Variants in MROH7 observed in about 807,000 individuals in gnomAD.
The protein encoded by MROH7 is maestro heat like repeat family member 7.
In MROH7, 113 loss-of-function variants were observed where a neutral mutation model predicts 129.2. The observed-to-expected ratio is 0.87, with a 90% CI of 0.75 to 1.02. The LOEUF is 1.02. MROH7 is among the 50% of genes least tolerant of loss of function. The pLI, the probability that MROH7 is intolerant of heterozygous loss-of-function variation, is 0.00. For synonymous variants in MROH7, 655 were observed against 667.9 expected, an observed-to-expected ratio of 0.98 and a Z score of 0.30; for missense variants, 1,601 against 1,671.3, an observed-to-expected ratio of 0.96 and a Z score of 0.73.
chr1:54,671,802 G>A (rs1230982240), intron 7 of MROH7, among the ~76,000 whole-genome samples: 1 of 152,196 alleles, frequency 6.6e-6, no homozygotes, highest in African/African-American at 2.4e-5. Context: ...CCTTACAGGT[G>A]AGGTGAGTGT....
At position 54,702,686 on chromosome 1, in the gene MROH7, T is replaced by C. The variant is rs1394632276; in HGVS notation, c.3505T>C (p.Tyr1169His). Residue 1169 changes from tyrosine to histidine, a missense_variant, in exon 21 of 24, where the codon TAT becomes CAT. Coordinates refer to ENST00000421030, the MANE Select transcript of MROH7 (RefSeq NM_001039464.4). Reference protein sequence around the residue: ...FMAWELPKRAYSRKPWDNQQQ... With the variant: ...FMAWELPKRAHSRKPWDNQQQ... ...GGCTTGGGAGTTGCCAAAAAGAGCT[T>C]ATAGCCGGAAGCCCTGGGACAACCA... 1 of 1,613,896 alleles carries C rather than the reference T, an allele frequency of 6.2e-7. No individual in the cohort carries two copies. Among genetic ancestry groups the C allele is most frequent in the Non-Finnish European group, 8.5e-7 (1 of 1,179,864 alleles).
rs1277479765 is a variant in MROH7, at chr1:54,701,128, G to T, written c.3106-15G>T. The T allele has an allele frequency of 2.0e-5, 33 of 1,612,576 alleles. No homozygotes were observed. The highest frequency in any genetic ancestry group is 2.5e-5 in the Non-Finnish European group (30 of 1,179,908). On this transcript the variant is annotated splice_polypyrimidine_tract_variant and intron_variant, in intron 18 of 23. Transcript: ENST00000421030. Reference sequence around the variant, plus strand: ...TCAGATAGGAGCCCTCATCCCAAATGCTCCTGCCCCACAGACCGCCAAGGT... The same window carrying T: ...TCAGATAGGAGCCCTCATCCCAAATTCTCCTGCCCCACAGACCGCCAAGGT...
intron 3 of MROH7, among the ~76,000 whole-genome samples, chr1:54,661,842 T>C (rs1359649085): frequency 6.6e-6 from 1 of 152,098 alleles, no homozygotes; most frequent in Non-Finnish European, 1.5e-5. Context: ...GTGACCCACC[T>C]GCCTTGGTCT....
chr1:54,664,881 G>A (rs1231727817), intron 3 of MROH7, among the ~76,000 whole-genome samples: 2 of 152,036 alleles, frequency 1.3e-5, no homozygotes, highest in East Asian at 1.9e-4. Flanking sequence ...GTGTGATGGC[G>A]GGTGCCTGTA....
intron 3 of MROH7, chr1:54,663,784 C>A (rs1644770627): frequency 2.2e-6 from 1 of 454,804 alleles, no homozygotes; most frequent in Middle Eastern, 3.3e-4. Context: ...CCTGGACTTT[C>A]CCTGCTTGAG....
chr1:54,645,583 A>G (rs1322356153), intron 1 of MROH7, among the ~76,000 whole-genome samples: 2 of 150,472 alleles, frequency 1.3e-5, no homozygotes, highest in Non-Finnish European at 3.0e-5. Context: ...GTTAAGGTTT[A>G]GTTTGTAGGT....
At position 54,692,514 on chromosome 1, in the gene MROH7, C is replaced by A. The variant is rs1645255619; in HGVS notation, c.2802C>A (p.Leu934=). Residue 934 remains leucine, a synonymous_variant, in exon 16 of 24, where the codon CTC becomes CTA. Coordinates refer to ENST00000421030, the MANE Select transcript of MROH7 (RefSeq NM_001039464.4). ...TFLEDQGGWE[L]MEQVESHHRG... ...TGGAGGACCAGGGTGGCTGGGAGCT[C>A]ATGGAGCAGGTGGAGAGCCACCACC... is the stretch of plus-strand genomic sequence containing the variant. 1.9e-6 allele frequency: 3 copies of A among 1,613,474 alleles called. No individual in the cohort carries two copies. The highest frequency in any genetic ancestry group is 2.5e-6 in the Non-Finnish European group (3 of 1,179,760).
At chr1:54,651,636 T>A (rs1258198217) in intron 1 of MROH7, 1 of 152,258 alleles carries the variant, frequency 6.6e-6, no homozygotes, top group African/African-American at 2.4e-5. Flanking sequence ...TGCTAACAAC[T>A]GGAGGACTCT....
chr1:54,646,949 A>T (rs550812437), intron 1 of MROH7, among the ~76,000 whole-genome samples: 1 of 152,310 alleles, frequency 6.6e-6, no homozygotes, highest in Admixed American at 6.5e-5. Context: ...TTCAAAGTTT[A>T]TCCATGTTTC....
intron 3 of MROH7, among the ~76,000 whole-genome samples, chr1:54,657,873 C>A (rs1476710466): frequency 6.6e-6 from 1 of 152,038 alleles, no homozygotes; most frequent in Non-Finnish European, 1.5e-5. Context: ...GTTGGCCAGG[C>A]TACTCTCAAA....
chr1:54,692,388 G>C, intron 15 of MROH7, 36 bp from the exon 16 acceptor site: 1 of 1,610,650 alleles, frequency 6.2e-7, no homozygotes, highest in South Asian at 1.1e-5. Flanking sequence ...CTAGGGCCCA[G>C]GTAGGCATGA....
intron 14 of MROH7, 144 bp from the exon 15 acceptor site, chr1:54,686,114 G>C (rs112907360): frequency 1.6e-6 from 1 of 641,424 alleles, no homozygotes; most frequent in African/African-American, 1.8e-5. Context: ...GGGGCTGGGG[G>C]GTGGGGAATC....
At chr1:54,665,020 A>AAAAAGG in intron 3 of MROH7, 147 bp from the exon 4 acceptor site, 1 of 591,054 alleles carries the variant, frequency 1.7e-6, no homozygotes, top group South Asian at 2.1e-5. Context: ...CTGTCTCAAA[A>AAAAAGG]AAAAGGAAAA....
rs199635838 is a variant in MROH7, at chr1:54,644,670, TA to T, written c.-110+2715del. ...TTTTTCTTTCTTCTGTTTTTTAATG[TA>T]AAAAAAAAAAAATAGAAATGAGGTC... On this transcript the variant is annotated intron_variant, in intron 1 of 23. Coordinates refer to ENST00000421030, the MANE Select transcript of MROH7 (RefSeq NM_001039464.4). Among the ~76,000 whole-genome samples, 450 of 145,220 alleles carry T rather than the reference TA, an allele frequency of 3.1e-3. 1 individual carries two copies. Among genetic ancestry groups the T allele is most frequent in the African/African-American group, 6.3e-3 (247 of 39,442 alleles).
chr1:54,699,961 G>T, intron 17 of MROH7: 1 of 607,826 alleles, frequency 1.6e-6, no homozygotes. Context: ...AGCACAGAAG[G>T]GGTGGAACAG....
At chr1:54,688,207 G>A (rs561958348) in intron 15 of MROH7, among the ~76,000 whole-genome samples, 6 of 148,432 alleles carry the variant, frequency 4.0e-5, no homozygotes, top group East Asian at 4.0e-4. Flanking sequence ...GTGTCACAGC[G>A]AGACTCCGTC....
chr1:54,692,282 T>C (rs1367691018), intron 15 of MROH7, 142 bp from the exon 16 acceptor site: 4 of 1,037,678 alleles, frequency 3.9e-6, no homozygotes, highest in South Asian at 1.6e-5. Context: ...AAAGCCACCC[T>C]TTGTGGATAC....
At chr1:54,665,145 T>G (rs1229835585) in intron 3 of MROH7, 22 bp from the exon 4 acceptor site, 1 of 1,602,634 alleles carries the variant, frequency 6.2e-7, no homozygotes, top group South Asian at 1.1e-5. Context: ...ATCCACCTTC[T>G]CATTGAAATC....
rs1412824324 is a variant in MROH7, at chr1:54,653,097, C to T, written c.171C>T (p.Leu57=). The change falls in exon 3 of 24, where the codon CTC becomes CTT. Residue 57 remains leucine (L), a synonymous_variant. Transcript: ENST00000421030. ...TGCTCCCAAGTCCTGGCTTGGCTCT[C>T]GTTCCAGATCTTAATGATTCTTTGA... ...LNLLPSPGLA[L]VPDLNDSLSP... is the part of the protein sequence containing the mutation. 1.7e-5 allele frequency: 27 copies of T among 1,614,070 alleles called. No individual in the cohort carries two copies. Among genetic ancestry groups the T allele is most frequent in the South Asian group, 3.3e-5 (3 of 91,076 alleles).
Sources: allele counts gnomAD v4.1 joint callset (sites outside exome capture counted in the v4.1 genomes callset), GRCh38; gene constraint gnomAD v4.1.1; transcripts MANE v1.5; gene names NCBI Gene and HGNC (gene_info 2026-07-23, HGNC 2026-07-21).